JARID2: variants seen among roughly 807,000 people sequenced by gnomAD.
JARID2 encodes protein Jumonji.
Under a neutral mutation model 125.6 loss-of-function variants are expected in JARID2, and 21 were observed. The ratio of observed to expected loss-of-function variants is 0.17; its 90% CI spans 0.12 to 0.24. The LOEUF is 0.24. Ranked by LOEUF, JARID2 falls within the 10% of genes least tolerant of loss-of-function variation. JARID2 has a pLI of 1.00. For missense variants in JARID2, 1,303 were observed against 1,639.6 expected (o/e 0.79, Z 3.55); for synonymous variants, 736 against 661.6 (o/e 1.11, Z -1.73).
intron 1 of JARID2, among the ~76,000 whole-genome samples, chr6:15,264,054 T>G (rs909196534): frequency 1.3e-5 from 2 of 152,176 alleles, no homozygotes; most frequent in Non-Finnish European, 2.9e-5. Flanking sequence ...TCACCATGCC[T>G]GGCTAATTTC....
chr6:15,259,299 CTGTT>C (rs1299677361), intron 1 of JARID2, among the ~76,000 whole-genome samples: 1 of 152,180 alleles, frequency 6.6e-6, no homozygotes, highest in Non-Finnish European at 1.5e-5. Flanking sequence ...CACTAAAGCT[CTGTT>C]TGTTCTATTT....
At chr6:15,337,751 C>T (rs1178534595) in intron 1 of JARID2, among the ~76,000 whole-genome samples, 1 of 151,754 alleles carries the variant, frequency 6.6e-6, no homozygotes, top group African/African-American at 2.4e-5. Context: ...CCCCTCCCAA[C>T]TCTGTTTCTG....
At chr6:15,435,049 GT>G (rs1561860938) in intron 3 of JARID2, among the ~76,000 whole-genome samples, 1 of 152,184 alleles carries the variant, frequency 6.6e-6, no homozygotes, top group African/African-American at 2.4e-5. Flanking sequence ...AGTGTTCACT[GT>G]TTCAGGTGTT....
At chr6:15,345,784 G>A (rs931400787) in intron 1 of JARID2, among the ~76,000 whole-genome samples, 1 of 152,128 alleles carries the variant, frequency 6.6e-6, no homozygotes, top group African/African-American at 2.4e-5. Context: ...CAACATTGTA[G>A]TTCAGCACAG....
intron 1 of JARID2, among the ~76,000 whole-genome samples, chr6:15,323,404 T>A (rs1447188101): frequency 6.6e-6 from 1 of 152,196 alleles, no homozygotes; most frequent in East Asian, 1.9e-4. Flanking sequence ...GCCTAGCGTC[T>A]TCATAGATAT....
rs765623287 is a variant in JARID2, at chr6:15,508,474, G to T, written c.2846+20G>T. On this transcript the variant is annotated intron_variant, in intron 12 of 17. Coordinates refer to ENST00000341776, the MANE Select transcript of JARID2 (RefSeq NM_004973.4). ...CATTTGGTGAGTACTGGCCCCAGGC[G>T]GGAAGGGAGGGACTGCAGAAACTAC... 3 of 1,265,910 alleles carry T rather than the reference G, an allele frequency of 2.4e-6. No individual in the cohort carries two copies. Among genetic ancestry groups the T allele is most frequent in the African/African-American group, 1.5e-5 (1 of 68,052 alleles). The allele number at this position is 1,265,910 out of a possible 1,614,324, so 78.4% of individuals were successfully genotyped here. A position where few individuals can be genotyped will look rare whatever the true frequency, so the allele number is the denominator to read the frequency against.
intron 3 of JARID2, among the ~76,000 whole-genome samples, chr6:15,443,314 TA>T (rs1767526057): frequency 1.3e-5 from 2 of 152,122 alleles, no homozygotes; most frequent in Non-Finnish European, 2.9e-5. Context: ...AGTTCTGAAG[TA>T]AGTTAACGTG....
chr6:15,305,212 A>G (rs1385132536), intron 1 of JARID2, among the ~76,000 whole-genome samples: 1 of 152,160 alleles, frequency 6.6e-6, no homozygotes, highest in Non-Finnish European at 1.5e-5. Context: ...GTGAAGAAGG[A>G]TTTTAAGAAA....
At chr6:15,343,905 T>G (rs1390955441) in intron 1 of JARID2, among the ~76,000 whole-genome samples, 1 of 152,110 alleles carries the variant, frequency 6.6e-6, no homozygotes, top group Admixed American at 6.5e-5. Context: ...GTATGCTACT[T>G]TTAGATTTAC....
chr6:15,520,247 C>T lies in JARID2; in HGVS notation c.3737C>T (p.Ser1246Leu). ...SSSSKSASSS[S>L] ...TCATCCAAAAGTGCTTCGAGCTCAT[C>T]ATGAAGATGCCAACGCCCGTGGTCG... Residue 1246 changes from serine to leucine, a missense_variant, in exon 18 of 18, where the codon TCA (serine) becomes TTA (leucine). Ser to Leu is a moderately radical substitution (Grantham distance 145). Transcript: ENST00000341776. The T allele has an allele frequency of 6.3e-7, 1 of 1,592,476 alleles. No individual in the cohort carries two copies. The highest frequency in any genetic ancestry group is 2.3e-5 in the East Asian group (1 of 43,902).
intron 1 of JARID2, among the ~76,000 whole-genome samples, chr6:15,309,620 T>G (rs1761947070): frequency 6.6e-6 from 1 of 152,040 alleles, no homozygotes; most frequent in Non-Finnish European, 1.5e-5. Context: ...CTTGGAAAAT[T>G]TAGTAAATAT....
rs975295208 is a variant in JARID2, at chr6:15,445,064, G to A, written c.324-6942G>A. On this transcript the variant is annotated intron_variant, in intron 3 of 17. Coordinates refer to ENST00000341776, the MANE Select transcript of JARID2 (RefSeq NM_004973.4). ...TTAACCTGGAAATTGCTGTTGTGCC[G>A]CAGTCAGGGCTACCCTAGAGATTGA... 3.3e-5 allele frequency among the ~76,000 whole-genome samples: 5 copies of A among 152,136 alleles called. No homozygotes were observed. The East Asian group carries it at 5.8e-4, about 18-fold the overall frequency.
chr6:15,483,753 C>T (rs1367834701), intron 5 of JARID2, among the ~76,000 whole-genome samples: 1 of 151,998 alleles, frequency 6.6e-6, no homozygotes, highest in East Asian at 1.9e-4. Flanking sequence ...TTTTATTTCC[C>T]TTGTGTACAT....
At chr6:15,477,504 GTTTT>G (rs56055395) in intron 5 of JARID2, among the ~76,000 whole-genome samples, 35,071 of 137,230 alleles carry the variant, frequency 0.26, 4,387 homozygotes, top group Middle Eastern at 0.36. Context: ...GGGAGTGTTG[GTTTT>G]TTTTTTTTTT....
chr6:15,308,558 TA>T (rs1452787849), intron 1 of JARID2, among the ~76,000 whole-genome samples: 1 of 152,086 alleles, frequency 6.6e-6, no homozygotes, highest in Non-Finnish European at 1.5e-5. Context: ...CCCCTGTGGT[TA>T]AATAGTGACG....
rs1163034369 is a variant in JARID2 at position 15,468,189 on chromosome 6, GTC to G, written c.494-351_494-350del. Among the ~76,000 whole-genome samples the G allele has an allele frequency of 4.9e-5, 6 of 122,588 alleles. No individual in the cohort carries two copies. In the Admixed American group the frequency reaches 5.1e-4, roughly 11 times the overall value. 80.4% of individuals were successfully genotyped at this position (122,588 alleles called of 152,430 possible). A position where few individuals can be genotyped will look rare whatever the true frequency, so the allele number is the denominator to read the frequency against. ...TCTGTCTTTTTTTTTTTTTTTTTAA[GTC>G]TATTAATTTAGAGTAATCTCTCTTC... On this transcript the variant is annotated intron_variant, in intron 4 of 17. Coordinates refer to ENST00000341776, the MANE Select transcript of JARID2 (RefSeq NM_004973.4).
intron 3 of JARID2, among the ~76,000 whole-genome samples, chr6:15,424,149 T>TA (rs1766623108): frequency 2.0e-5 from 3 of 150,994 alleles, no homozygotes; most frequent in Non-Finnish European, 3.0e-5. Flanking sequence ...TTTTTTTTTT[T>TA]AAGAGATGGG....
chr6:15,443,664 G>T (rs1225235280), intron 3 of JARID2, among the ~76,000 whole-genome samples: 1 of 152,116 alleles, frequency 6.6e-6, no homozygotes, highest in African/African-American at 2.4e-5. Flanking sequence ...CGAAATGATA[G>T]ATCCAAAAGA....
intron 2 of JARID2, among the ~76,000 whole-genome samples, chr6:15,390,779 G>A (rs571940206): frequency 1.4e-4 from 21 of 152,244 alleles, no homozygotes; most frequent in Non-Finnish European, 2.6e-4. Flanking sequence ...GCCAGCTCAG[G>A]TCCAGTAGGC....
Sources: gnomAD v4.1 joint callset for allele counts (sites outside exome capture counted in the v4.1 genomes callset) on GRCh38, gnomAD v4.1.1 for gene constraint, MANE v1.5 for transcripts, NCBI Gene and HGNC (gene_info 2026-07-23, HGNC 2026-07-21) for gene names.